LIMD1: variants seen among roughly 807,000 people sequenced by gnomAD.
LIMD1 encodes the protein LIM domain-containing protein 1.
In LIMD1, 23 loss-of-function variants were observed where a neutral mutation model predicts 58.4. The observed-to-expected ratio is 0.39, with a 90% CI of 0.28 to 0.56. The LOEUF is 0.56. LIMD1 is among the 20% of genes least tolerant of loss of function. The pLI is 0.57. For missense variants in LIMD1, 838 were observed against 855.5 expected, an observed-to-expected ratio of 0.98 and a Z score of 0.25; for synonymous variants, 334 against 345.5, an observed-to-expected ratio of 0.97 and a Z score of 0.37.
intron 2 of LIMD1, among the ~76,000 whole-genome samples, chr3:45,646,042 A>C (rs1214718745): frequency 3.3e-5 from 5 of 151,514 alleles, no homozygotes; most frequent in Admixed American, 2.0e-4. Context: ...AAAAAAAAAA[A>C]AAAAAGATTT....
At position 45,594,860 on chromosome 3, in the gene LIMD1, C is replaced by T; in HGVS notation, c.-20C>T. ...ACACACACACGGCACCTGGGCTAGG[C>T]CCGGACACCTGTCTGCAGCATGGAT... On this transcript the variant is annotated 5_prime_UTR_variant, in exon 1 of 8. Transcript: ENST00000273317. 1 of 1,578,188 alleles carries T rather than the reference C, an allele frequency of 6.3e-7. No homozygotes were observed. The highest frequency in any genetic ancestry group is 8.6e-7 in the Non-Finnish European group (1 of 1,161,490).
At chr3:45,602,769 A>G (rs146069952) in intron 1 of LIMD1, among the ~76,000 whole-genome samples, 283 of 152,146 alleles carry the variant, frequency 1.9e-3, no homozygotes, top group African/African-American at 6.5e-3. Flanking sequence ...CTGCATGTCT[A>G]CATGACTACA....
rs181427041 is a variant in LIMD1, at chr3:45,632,463, G to T, written c.1409-3687G>T. ...TAAGTGCACTCTGTCTGTGGCTGGG[G>T]GTGTTCAGAGATGAATAAGACCCTG... On this transcript the variant is annotated intron_variant, in intron 1 of 7. Coordinates refer to ENST00000273317, the MANE Select transcript of LIMD1 (RefSeq NM_014240.3). 8.3e-6 allele frequency: 8 copies of T among 962,338 alleles called. No homozygotes were observed. In the East Asian group the frequency reaches 4.6e-4, roughly 55 times the overall value. The allele number at this position is 962,338 out of a possible 1,614,324, so 59.6% of individuals were successfully genotyped here.
chr3:45,614,732 G>T (rs1028633000), intron 1 of LIMD1, among the ~76,000 whole-genome samples: 1 of 144,342 alleles, frequency 6.9e-6, no homozygotes, highest in Admixed American at 7.1e-5. Context: ...CAAAAAAAGT[G>T]ATAATAATAA....
At position 45,678,299 on chromosome 3, in the gene LIMD1, C is replaced by G. The variant is rs1697697256; in HGVS notation, c.*1240C>G. On this transcript the variant is annotated 3_prime_UTR_variant, in exon 8 of 8. Coordinates refer to ENST00000273317, the MANE Select transcript of LIMD1 (RefSeq NM_014240.3). ...CTTTCACACTGGACTCAGATACCTT[C>G]TTCAGTGTGTTGGAAATCACTGGCT... 2 of 152,688 alleles carry G rather than the reference C, an allele frequency of 1.3e-5. No individual in the cohort carries two copies. Among genetic ancestry groups the G allele is most frequent in the African/African-American group, 4.8e-5 (2 of 41,468 alleles). 9.5% of individuals were successfully genotyped at this position (152,688 alleles called of 1,614,324 possible).
At chr3:45,662,114 A>G (rs967928697) in intron 2 of LIMD1, among the ~76,000 whole-genome samples, 3 of 152,216 alleles carry the variant, frequency 2.0e-5, no homozygotes, top group African/African-American at 7.2e-5. Context: ...GTTATTGATC[A>G]TTCATACTTA....
intron 4 of LIMD1, among the ~76,000 whole-genome samples, chr3:45,672,113 G>A (rs1380124388): frequency 1.3e-5 from 2 of 152,210 alleles, no homozygotes; most frequent in Non-Finnish European, 2.9e-5. Context: ...TTGGATTTGA[G>A]GTCATTGGGT....
At chr3:45,671,808 C>T (rs1575367927) in intron 4 of LIMD1, among the ~76,000 whole-genome samples, 1 of 152,170 alleles carries the variant, frequency 6.6e-6, no homozygotes, top group East Asian at 1.9e-4. Context: ...ACACACATTT[C>T]GAGGACCACT....
chr3:45,630,623 A>G (rs1701718339), intron 1 of LIMD1, among the ~76,000 whole-genome samples: 1 of 151,344 alleles, frequency 6.6e-6, no homozygotes, highest in African/African-American at 2.4e-5. Flanking sequence ...CAGGGTGGGT[A>G]GTAGGAGACT....
chr3:45,653,910 AAAAAAAAAAAAAAAAAGAAAAAG>A (rs1701998423), intron 2 of LIMD1, among the ~76,000 whole-genome samples: 2 of 142,168 alleles, frequency 1.4e-5, no homozygotes, highest in South Asian at 2.1e-4. Context: ...ACTGTCTCAA[AAAAAAAAAAAAAAAAAGAAAAAG>A]AAAAAAAAAA....
chr3:45,622,668 A>G (rs1701637807), intron 1 of LIMD1, among the ~76,000 whole-genome samples: 1 of 140,534 alleles, frequency 7.1e-6, no homozygotes, highest in Non-Finnish European at 1.6e-5. Context: ...TTTTAAAGGA[A>G]TTTTTTTTTT....
At chr3:45,658,751 TTCCATGTTGGTCAGACTGGTCTTGAAC>T (rs1197419203) in intron 2 of LIMD1, among the ~76,000 whole-genome samples, 3 of 151,492 alleles carry the variant, frequency 2.0e-5, no homozygotes, top group Non-Finnish European at 4.4e-5. Context: ...GAGGGGGCTT[TTCCATGTTGGTCAGACTGGTCTTGAAC>T]TCCCGACTTC....
intron 1 of LIMD1, among the ~76,000 whole-genome samples, chr3:45,626,893 CA>C (rs34165649): frequency 0.74 from 98,369 of 133,820 alleles, 35,016 homozygotes; most frequent in East Asian, 0.93. Flanking sequence ...TAAAACTGCT[CA>C]AAAAAAAAAA....
chr3:45,606,975 G>A (rs1701473333), intron 1 of LIMD1, among the ~76,000 whole-genome samples: 1 of 152,138 alleles, frequency 6.6e-6, no homozygotes, highest in South Asian at 2.1e-4. Flanking sequence ...TGTATTTTTA[G>A]TGGAGACGGG....
chr3:45,668,586 C>T (rs1036078418), intron 4 of LIMD1, among the ~76,000 whole-genome samples: 8 of 152,076 alleles, frequency 5.3e-5, no homozygotes, highest in Non-Finnish European at 1.2e-4. Context: ...AACCTTGTCT[C>T]TACTAAAAAT....
intron 2 of LIMD1, among the ~76,000 whole-genome samples, chr3:45,660,839 T>G (rs1697427900): frequency 6.6e-6 from 1 of 152,244 alleles, no homozygotes; most frequent in African/African-American, 2.4e-5. Context: ...TAGTTAGTTC[T>G]CATTTTCTTT....
intron 1 of LIMD1, among the ~76,000 whole-genome samples, chr3:45,601,959 T>G (rs993026547): frequency 6.6e-6 from 1 of 151,656 alleles, no homozygotes; most frequent in Admixed American, 6.6e-5. Context: ...TTTTTTTTTT[T>G]TGAGACAGAG....
intron 1 of LIMD1, among the ~76,000 whole-genome samples, chr3:45,597,116 T>A (rs1701365570): frequency 6.6e-6 from 1 of 152,048 alleles, no homozygotes; most frequent in Non-Finnish European, 1.5e-5. Flanking sequence ...CGCCTTGGCC[T>A]CCCAAAGTGC....
intron 6 of LIMD1, among the ~76,000 whole-genome samples, 188 bp from the exon 7 acceptor site, chr3:45,674,155 C>T (rs1283484947): frequency 1.3e-5 from 2 of 152,152 alleles, no homozygotes; most frequent in Non-Finnish European, 2.9e-5. Flanking sequence ...TCCTATCCCT[C>T]CTACTTCCCC....
Sources: gnomAD v4.1 joint callset for allele counts (sites outside exome capture counted in the v4.1 genomes callset) on GRCh38, gnomAD v4.1.1 for gene constraint, MANE v1.5 for transcripts, NCBI Gene and HGNC (gene_info 2026-07-23, HGNC 2026-07-21) for gene names.